REDIC1: variants seen among roughly 807,000 people sequenced by gnomAD.
The protein encoded by REDIC1 is regulator of DNA class I crossover intermediates 1, also known as HEI10 Interacting Protein 1.
At chr12:39,895,285 T>C in the REDIC1 span, among the ~76,000 whole-genome samples, 58 of 151,730 alleles carry the variant, frequency 3.8e-4, no homozygotes, top group African/African-American at 1.4e-3. Flanking sequence ...GGACAGGAGA[T>C]TGAGACCATC....
chr12:39,702,437 A>G, the REDIC1 span, among the ~76,000 whole-genome samples: 3 of 152,338 alleles, frequency 2.0e-5, no homozygotes, highest in East Asian at 5.8e-4. Flanking sequence ...TTGTGGCAAT[A>G]ATCAATAGCT....
chr12:39,890,850 A>G, the REDIC1 span, among the ~76,000 whole-genome samples: 1 of 152,146 alleles, frequency 6.6e-6, no homozygotes, highest in South Asian at 2.1e-4. Context: ...ATGTTTTAAA[A>G]TAATATGAGA....
chr12:39,628,849 A>T, the REDIC1 span, among the ~76,000 whole-genome samples: 1 of 152,194 alleles, frequency 6.6e-6, no homozygotes, highest in African/African-American at 2.4e-5. Flanking sequence ...TATGATTTAT[A>T]TACAAATATT....
chr12:39,887,747 A>T, the REDIC1 span, among the ~76,000 whole-genome samples: 1 of 152,222 alleles, frequency 6.6e-6, no homozygotes, highest in Non-Finnish European at 1.5e-5. Flanking sequence ...CTTTAAAAAA[A>T]TTCCAGATTT....
At chr12:39,777,482 G>A in the REDIC1 span, among the ~76,000 whole-genome samples, 3 of 152,204 alleles carry the variant, frequency 2.0e-5, no homozygotes, top group Admixed American at 6.5e-5. Flanking sequence ...AGAGGAGGGC[G>A]TGGTCCCTGA....
chr12:39,665,510 G>T, the REDIC1 span, among the ~76,000 whole-genome samples: 1 of 150,330 alleles, frequency 6.7e-6, no homozygotes, highest in Non-Finnish European at 1.5e-5. Context: ...GTAGCGTGAT[G>T]CCTCCAGCTT....
At chr12:39,825,747 A>C in the REDIC1 span, among the ~76,000 whole-genome samples, 2 of 152,180 alleles carry the variant, frequency 1.3e-5, no homozygotes, top group East Asian at 1.9e-4. Flanking sequence ...ACATTTTATT[A>C]GTCTTCTTTA....
chr12:39,839,493 T>C, the REDIC1 span, among the ~76,000 whole-genome samples: 1 of 152,146 alleles, frequency 6.6e-6, no homozygotes, highest in Non-Finnish European at 1.5e-5. Flanking sequence ...CAGAGATTGC[T>C]GGTGGTTGTC....
At chr12:39,711,464 CAT>C in the REDIC1 span, among the ~76,000 whole-genome samples, 1 of 141,474 alleles carries the variant, frequency 7.1e-6, no homozygotes, top group East Asian at 2.1e-4. Context: ...CACATATACA[CAT>C]ACATATATGT....
At chr12:39,725,309 A>G in the REDIC1 span, among the ~76,000 whole-genome samples, 2 of 152,188 alleles carry the variant, frequency 1.3e-5, no homozygotes. Context: ...CACTACTAGC[A>G]TGAAGGATCT....
At chr12:39,707,967 C>G in the REDIC1 span, among the ~76,000 whole-genome samples, 1 of 151,536 alleles carries the variant, frequency 6.6e-6, no homozygotes, top group Non-Finnish European at 1.5e-5. Flanking sequence ...AGCAATTGAA[C>G]TCATGGAAAT....
the REDIC1 span, among the ~76,000 whole-genome samples, chr12:39,705,908 G>C: frequency 6.6e-6 from 1 of 152,048 alleles, no homozygotes; most frequent in African/African-American, 2.4e-5. Flanking sequence ...AACATGACAA[G>C]TATGCCCACT....
the REDIC1 span, among the ~76,000 whole-genome samples, chr12:39,842,789 C>T: frequency 6.6e-6 from 1 of 151,940 alleles, no homozygotes; most frequent in Non-Finnish European, 1.5e-5. Context: ...CTTTTCATCA[C>T]CCCCTGGCAA....
the REDIC1 span, chr12:39,626,244 C>T: frequency 4.2e-6 from 6 of 1,423,526 alleles, no homozygotes; most frequent in Non-Finnish European, 5.9e-6. Flanking sequence ...TGTCAGGAGG[C>T]CCTGGGGGAT....
the REDIC1 span, among the ~76,000 whole-genome samples, chr12:39,893,552 G>T: frequency 6.6e-6 from 1 of 152,120 alleles, no homozygotes; most frequent in Non-Finnish European, 1.5e-5. Flanking sequence ...TGCCCGCCTT[G>T]GTCTCCCAAA....
the REDIC1 span, among the ~76,000 whole-genome samples, chr12:39,704,687 G>C: frequency 6.6e-6 from 1 of 152,130 alleles, no homozygotes; most frequent in South Asian, 2.1e-4. Flanking sequence ...GTCCAACAAT[G>C]ATAGACTAGA....
chr12:39,682,953 C>T, the REDIC1 span: 1 of 1,613,244 alleles, frequency 6.2e-7, no homozygotes, highest in East Asian at 2.2e-5. Context: ...ATGTCACTGA[C>T]AGATGCATTA....
the REDIC1 span, chr12:39,650,479 G>GA: frequency 1.6e-6 from 2 of 1,283,848 alleles, no homozygotes; most frequent in Non-Finnish European, 2.0e-6. This position sits in a 1 kb window ranked among gnomAD's most constrained non-coding sequence, Gnocchi z 4.3. Context: ...AATACTTCTA[G>GA]AAAAAAATTC....
chr12:39,897,740 T>C, the REDIC1 span, among the ~76,000 whole-genome samples: 4 of 152,146 alleles, frequency 2.6e-5, no homozygotes, highest in South Asian at 2.1e-4. Flanking sequence ...TAGAGAAACT[T>C]AGAAAACAAA....
Sources: gnomAD v4.1 joint callset for allele counts (sites outside exome capture counted in the v4.1 genomes callset) on GRCh38, gnomAD v4.1.1 for gene constraint, Gnocchi (gnomAD v3.1) non-coding constraint, MANE v1.5 for transcripts, NCBI Gene and HGNC (gene_info 2026-07-23, HGNC 2026-07-21) for gene names.